The following PARVG variants were observed in gnomAD, a reference collection of about 807,000 sequenced individuals.
PARVG encodes parvin gamma.
In PARVG, 36 loss-of-function variants were observed where a neutral mutation model predicts 44.4. The ratio of observed to expected loss-of-function variants is 0.81; its 90% CI spans 0.62 to 1.07. The LOEUF (loss-of-function observed/expected upper bound fraction) is 1.07. Ranked by LOEUF, PARVG falls within the 50% of genes least tolerant of loss-of-function variation. The probability of loss-of-function intolerance (pLI) is 0.00; values close to 1 mark genes in which losing one functional copy is unlikely to be tolerated. For synonymous variants in PARVG, 170 were observed against 174.1 expected, an observed-to-expected ratio of 0.98 and a Z score of 0.19; for missense variants, 407 against 407.4, an observed-to-expected ratio of 1.00 and a Z score of 0.01.
chr22:44,195,301 A>T (rs2054603575), intron 9 of PARVG, among the ~76,000 whole-genome samples: 1 of 152,110 alleles, frequency 6.6e-6, no homozygotes, highest in Non-Finnish European at 1.5e-5. Flanking sequence ...AACGTGCATG[A>T]TGCTATTTGG....
chr22:44,200,408 A>G (rs1317440878), intron 12 of PARVG, among the ~76,000 whole-genome samples: 5 of 152,236 alleles, frequency 3.3e-5, no homozygotes, highest in African/African-American at 1.2e-4. Context: ...TACTCAGGCC[A>G]CACAGGTAGT....
At chr22:44,188,924 G>T in intron 5 of PARVG, 190 bp from the exon 6 acceptor site, 10 of 566,254 alleles carry the variant, frequency 1.8e-5, no homozygotes, top group South Asian at 6.1e-5. Flanking sequence ...GTGTAGATGA[G>T]GGTCTCCTGG....
At chr22:44,198,969 T>TCCACCCACCCAC (rs1601745494) in intron 12 of PARVG, among the ~76,000 whole-genome samples, 4 of 54,602 alleles carry the variant, frequency 7.3e-5, no homozygotes, top group Non-Finnish European at 2.3e-4. Context: ...CATCCATCCA[T>TCCACCCACCCAC]CCATCCATCC....
rs2054457391 is a variant in PARVG at position 44,185,805 on chromosome 22, C to T, written c.80-3C>T. ...GCGCTTGTCATACCCACTCTGCTTC[C>T]AGGAGGAAAGAAGAAATACCTGCCA... On this transcript the variant is annotated splice_polypyrimidine_tract_variant and splice_region_variant and intron_variant, in intron 3 of 13. Transcript: ENST00000444313. 6 of 1,613,068 alleles carry T rather than the reference C, an allele frequency of 3.7e-6. No individual in the cohort carries two copies. The East Asian group carries it at 1.3e-4, about 36-fold the overall frequency.
At chr22:44,193,352 A>C (rs2054575034) in intron 8 of PARVG, among the ~76,000 whole-genome samples, 1 of 152,240 alleles carries the variant, frequency 6.6e-6, no homozygotes, top group South Asian at 2.1e-4. Context: ...AACAGATGGC[A>C]AGAGAAATCG....
At position 44,207,458 on chromosome 22, in the gene PARVG, T is replaced by C. The variant is rs1455139784; in HGVS notation, c.*1032T>C. 8.0e-5 allele frequency: 1 copy of C among 12,532 alleles called. No individual in the cohort carries two copies. Among genetic ancestry groups the C allele is most frequent in the Admixed American group, 1.1e-3 (1 of 928 alleles). 0.8% of individuals were successfully genotyped at this position (12,532 alleles called of 1,614,324 possible). On this transcript the variant is annotated 3_prime_UTR_variant, in exon 14 of 14. Coordinates refer to ENST00000444313, the MANE Select transcript of PARVG (RefSeq NM_022141.7). Reference sequence around the variant, plus strand: ...GCTGGTGGGGAGGGCTGGGGCCTGGTGGGGAGGAGTGGGACTTGTGGGGAG... The same window carrying C: ...GCTGGTGGGGAGGGCTGGGGCCTGGCGGGGAGGAGTGGGACTTGTGGGGAG...
chr22:44,203,366 TG>T (rs1224262175), intron 12 of PARVG, among the ~76,000 whole-genome samples: 7 of 152,324 alleles, frequency 4.6e-5, no homozygotes, highest in Non-Finnish European at 4.4e-5. Context: ...TGTCTAGTCT[TG>T]AAGGTTCATG....
chr22:44,202,431 T>G (rs903289145), intron 12 of PARVG, among the ~76,000 whole-genome samples: 2 of 152,240 alleles, frequency 1.3e-5, no homozygotes, highest in East Asian at 1.9e-4. Context: ...GCAGGGCCTC[T>G]GCTCAATCTG....
intron 5 of PARVG, 164 bp from the exon 6 acceptor site, chr22:44,188,950 C>T: frequency 7.1e-6 from 6 of 842,638 alleles, no homozygotes; most frequent in African/African-American, 5.1e-5. Context: ...GGAGGGCATA[C>T]CCGATTGAGG....
chr22:44,191,843 C>T (rs2054552660), intron 7 of PARVG, among the ~76,000 whole-genome samples: 1 of 152,178 alleles, frequency 6.6e-6, no homozygotes. Context: ...CTCATTGATA[C>T]TGCCCTCCTC....
intron 12 of PARVG, among the ~76,000 whole-genome samples, chr22:44,201,244 T>C (rs1386029996): frequency 6.6e-6 from 1 of 152,180 alleles, no homozygotes; most frequent in Non-Finnish European, 1.5e-5. Context: ...GTTAGCTCCC[T>C]GCACTTTGCC....
In PARVG at chr22:44,206,415, G is replaced by T; in HGVS notation, c.985G>T (p.Ala329Ser). 1.2e-6 allele frequency: 2 copies of T among 1,613,896 alleles called. No individual in the cohort carries two copies. Among genetic ancestry groups the T allele is most frequent in the East Asian group, 2.2e-5 (1 of 44,848 alleles). Residue 329 changes from alanine (A) to serine (S), a missense_variant, in exon 14 of 14, where the codon GCC becomes TCC. By Grantham distance (99) the Ala-to-Ser change is moderately conservative. Transcript: ENST00000444313. ...KAHRDRTPHG[A>S]PN Reference sequence around the variant, plus strand: ...ACACAGGGACAGGACGCCCCATGGAGCCCCGAATTGACCCTCACTGCCTCC... The same window carrying T: ...ACACAGGGACAGGACGCCCCATGGATCCCCGAATTGACCCTCACTGCCTCC...
At chr22:44,174,090 C>T (rs193162197) in intron 1 of PARVG, among the ~76,000 whole-genome samples, 1 of 152,158 alleles carries the variant, frequency 6.6e-6, no homozygotes, top group Non-Finnish European at 1.5e-5. Context: ...GTTCAGCAGT[C>T]GTTTACCAAG....
rs560266847 is a variant in PARVG, at chr22:44,181,157, C to T, written c.-217C>T. ...CACCAATATTTATTCACTGAGCCCACTTTGTGCCAAGCATTGTTCTAGACA... is the reference window on the plus strand; with the variant it reads ...CACCAATATTTATTCACTGAGCCCATTTTGTGCCAAGCATTGTTCTAGACA... On this transcript the variant is annotated 5_prime_UTR_variant, in exon 1 of 14. Coordinates refer to ENST00000444313, the MANE Select transcript of PARVG (RefSeq NM_022141.7). 43 of 395,092 alleles carry T rather than the reference C, an allele frequency of 1.1e-4. No homozygotes were observed. Among genetic ancestry groups the T allele is most frequent in the African/African-American group, 8.9e-4 (41 of 46,084 alleles). 24.5% of individuals were successfully genotyped at this position (395,092 alleles called of 1,614,324 possible). A position where few individuals can be genotyped will look rare whatever the true frequency, so the allele number is the denominator to read the frequency against.
rs771736575 is a variant in PARVG at position 44,190,575 on chromosome 22, C to G, written c.413C>G (p.Ser138Cys). The change falls in exon 7 of 14, where the codon TCT becomes TGT. Residue 138 changes from serine (S) to cysteine (C), a missense_variant. Transcript: ENST00000444313. ...GGCATCTTCAACAAGGACCTGTTGT[C>G]TACCCTGCACCTCCTTGTGGCCCTG... The part of the protein sequence containing the change: ...VESIFNKDLL[S>C]TLHLLVALAK... 6.2e-7 allele frequency: 1 copy of G among 1,614,188 alleles called. No individual in the cohort carries two copies. The highest frequency in any genetic ancestry group is 8.5e-7 in the Non-Finnish European group (1 of 1,180,016).
At chr22:44,190,419 C>A in intron 6 of PARVG, 132 bp from the exon 7 acceptor site, 1 of 666,276 alleles carries the variant, frequency 1.5e-6, no homozygotes, top group Non-Finnish European at 2.7e-6. Context: ...ATCTCCAGAT[C>A]TCTGCTCTCC....
intron 1 of PARVG, among the ~76,000 whole-genome samples, chr22:44,173,895 G>C (rs1475753674): frequency 6.6e-6 from 1 of 152,220 alleles, no homozygotes; most frequent in East Asian, 1.9e-4. Context: ...CCTGTGCACT[G>C]TGCTGAGGTT....
Position 44,193,808 on chromosome 22 carries a change from A to G in PARVG, c.568A>G (p.Lys190Glu). 1 of 1,614,086 alleles carries G rather than the reference A, an allele frequency of 6.2e-7. No individual in the cohort carries two copies. The change falls in exon 9 of 14, where the codon AAG becomes GAG. Residue 190 changes from lysine to glutamate, a missense_variant. Physicochemically the swap from Lys to Glu is moderately conservative, Grantham distance 56 (BLOSUM62 1). Coordinates refer to ENST00000444313, the MANE Select transcript of PARVG (RefSeq NM_022141.7). The stretch of plus-strand genomic sequence containing the variant: ...TTTCCACCCACTGCACAGCACAGAC[A>G]AGGACGAGCCTCCAAGTGAGTACTT... ...VEQLTEYSTD[K>E]DEPPKDVFDE...
chr22:44,178,544 T>A (rs1318938943), upstream of PARVG, among the ~76,000 whole-genome samples: 1 of 152,220 alleles, frequency 6.6e-6, no homozygotes, highest in East Asian at 1.9e-4. Context: ...AAATTTAATG[T>A]CTAGCATTCA....
Sources: gnomAD v4.1 joint callset for allele counts (sites outside exome capture counted in the v4.1 genomes callset) on GRCh38, gnomAD v4.1.1 for gene constraint, MANE v1.5 for transcripts, NCBI Gene and HGNC (gene_info 2026-07-23, HGNC 2026-07-21) for gene names.